The following ARHGAP24 variants were observed in gnomAD, a reference collection of about 807,000 sequenced individuals.
ARHGAP24 encodes the protein Rho GTPase activating protein 24, also known as rho GTPase-activating protein 24.
In ARHGAP24, 50 loss-of-function variants were observed where a neutral mutation model predicts 76.4. The observed-to-expected ratio is 0.65, with a 90% CI of 0.52 to 0.83. The LOEUF is 0.83. Among genes scored for constraint, ARHGAP24 ranks in the 40% least tolerant of loss-of-function variants. ARHGAP24 has a pLI of 0.00. For missense variants in ARHGAP24, 930 were observed against 914.2 expected (o/e 1.02, Z -0.22); for synonymous variants, 345 against 323.3 (o/e 1.07, Z -0.72).
chr4:85,664,742 C>G (rs1202286721), intron 2 of ARHGAP24, among the ~76,000 whole-genome samples: 1 of 151,714 alleles, frequency 6.6e-6, no homozygotes, highest in African/African-American at 2.4e-5. Flanking sequence ...CAAAGAACAT[C>G]TTTATTTCTG....
intron 3 of ARHGAP24, among the ~76,000 whole-genome samples, chr4:85,862,530 G>A (rs1289254713): frequency 6.6e-6 from 1 of 151,870 alleles, no homozygotes; most frequent in East Asian, 1.9e-4. Context: ...TCATCCACAG[G>A]GACTCATATA....
At chr4:85,529,675 A>G (rs1208204801) in intron 1 of ARHGAP24, among the ~76,000 whole-genome samples, 1 of 151,998 alleles carries the variant, frequency 6.6e-6, no homozygotes, top group Non-Finnish European at 1.5e-5. Flanking sequence ...TGACAACCAA[A>G]AGTATCTCCA....
At chr4:85,986,332 C>T (rs564410634) in intron 8 of ARHGAP24, among the ~76,000 whole-genome samples, 15 of 152,182 alleles carry the variant, frequency 9.9e-5, no homozygotes, top group Non-Finnish European at 1.6e-4. Flanking sequence ...ATATTGCATT[C>T]TGCTTCCCAT....
intron 3 of ARHGAP24, among the ~76,000 whole-genome samples, chr4:85,852,265 A>G (rs1264299310): frequency 2.0e-5 from 3 of 152,122 alleles, no homozygotes; most frequent in Admixed American, 6.5e-5. Context: ...TGTGTGTGTC[A>G]CGTAGTTCTC....
At chr4:85,944,905 T>G (rs1029226208) in intron 5 of ARHGAP24, among the ~76,000 whole-genome samples, 1 of 152,118 alleles carries the variant, frequency 6.6e-6, no homozygotes, top group African/African-American at 2.4e-5. Context: ...TGGAGTGCAA[T>G]GGCACAATCT....
Position 85,954,495 on chromosome 4 carries a change from G to C in ARHGAP24, c.599+12222G>C, listed in dbSNP as rs141887228. ...CACCCCTCTCTGAGCACAACAGCTG[G>C]CGTATAGTATGCACCAAACATTTAT... On this transcript the variant is annotated intron_variant, in intron 5 of 9. Coordinates refer to ENST00000395184, the MANE Select transcript of ARHGAP24 (RefSeq NM_001025616.3). Among the ~76,000 whole-genome samples the C allele has an allele frequency of 1.2e-4, 18 of 152,284 alleles. 1 individual carries two copies. The East Asian group carries it at 3.5e-3, about 29-fold the overall frequency.
At chr4:85,601,936 A>G (rs1181191821) in intron 2 of ARHGAP24, among the ~76,000 whole-genome samples, 4 of 152,100 alleles carry the variant, frequency 2.6e-5, no homozygotes, top group Non-Finnish European at 5.9e-5. Context: ...GAGCCTAGAA[A>G]TTTCCTAGGA....
intron 3 of ARHGAP24, among the ~76,000 whole-genome samples, chr4:85,794,225 G>A (rs1335639738): frequency 1.3e-5 from 2 of 152,144 alleles, no homozygotes; most frequent in African/African-American, 2.4e-5. Flanking sequence ...TGGGGGCTGT[G>A]TAAAGCCATT....
chr4:85,514,606 T>C (rs1290936720), intron 1 of ARHGAP24, among the ~76,000 whole-genome samples: 5 of 151,688 alleles, frequency 3.3e-5, no homozygotes, highest in Non-Finnish European at 7.4e-5. Context: ...GCAGACCCAG[T>C]AGCTGTTTGA....
At chr4:85,634,493 G>C (rs1048610542) in intron 2 of ARHGAP24, among the ~76,000 whole-genome samples, 6 of 151,694 alleles carry the variant, frequency 4.0e-5, no homozygotes, top group African/African-American at 1.5e-4. Context: ...GTTTTCTTTT[G>C]CTCCCAAATG....
chr4:85,837,994 G>C (rs984882677), intron 3 of ARHGAP24, among the ~76,000 whole-genome samples: 1 of 152,134 alleles, frequency 6.6e-6, no homozygotes, highest in Non-Finnish European at 1.5e-5. Flanking sequence ...TGACTGTCTT[G>C]ATCGTCCTTT....
At chr4:85,542,299 A>T (rs2110123743) in intron 1 of ARHGAP24, among the ~76,000 whole-genome samples, 1 of 152,314 alleles carries the variant, frequency 6.6e-6, no homozygotes, top group East Asian at 1.9e-4. Flanking sequence ...AATTGAAGTA[A>T]GTGTACTTGT....
At chr4:85,604,594 A>AT (rs1159636221) in intron 2 of ARHGAP24, among the ~76,000 whole-genome samples, 2 of 151,768 alleles carry the variant, frequency 1.3e-5, no homozygotes, top group Admixed American at 6.6e-5. Context: ...TTTAGAATTT[A>AT]TTTTTTTTGA....
intron 3 of ARHGAP24, among the ~76,000 whole-genome samples, chr4:85,809,364 T>A (rs1249568950): frequency 6.6e-6 from 1 of 152,082 alleles, no homozygotes; most frequent in Non-Finnish European, 1.5e-5. Context: ...TACATACCCA[T>A]CTGGTTATAT....
At chr4:85,880,851 G>C (rs191815501) in intron 3 of ARHGAP24, among the ~76,000 whole-genome samples, 133 of 152,256 alleles carry the variant, frequency 8.7e-4, no homozygotes, top group African/African-American at 3.0e-3. Context: ...GCAGTTTGAG[G>C]TACAATGCAA....
chr4:85,824,805 A>G (rs1729635579), intron 3 of ARHGAP24, among the ~76,000 whole-genome samples: 1 of 152,140 alleles, frequency 6.6e-6, no homozygotes, highest in African/African-American at 2.4e-5. Flanking sequence ...GAAACTAAAT[A>G]CCCGGCCAGG....
chr4:85,553,184 G>A (rs987265191), intron 1 of ARHGAP24, among the ~76,000 whole-genome samples: 17 of 152,078 alleles, frequency 1.1e-4, no homozygotes, highest in African/African-American at 3.6e-4. Flanking sequence ...AGACATTCTC[G>A]GTGAGTGTTA....
chr4:85,853,945 C>T (rs1378199805), intron 3 of ARHGAP24, among the ~76,000 whole-genome samples: 5 of 143,450 alleles, frequency 3.5e-5, no homozygotes, highest in South Asian at 2.1e-4. Context: ...GAGCCAGAAT[C>T]GGTCAAAAAC....
intron 2 of ARHGAP24, among the ~76,000 whole-genome samples, chr4:85,618,967 T>G (rs772725416): frequency 1.3e-5 from 2 of 152,124 alleles, no homozygotes; most frequent in Non-Finnish European, 2.9e-5. Context: ...GCTTTTTGAT[T>G]TGATGTAATC....
Sources: allele counts gnomAD v4.1 joint callset (sites outside exome capture counted in the v4.1 genomes callset), GRCh38; gene constraint gnomAD v4.1.1; transcripts MANE v1.5; gene names NCBI Gene and HGNC (gene_info 2026-07-23, HGNC 2026-07-21).